RFX3: variants seen among roughly 807,000 people sequenced by gnomAD.
The protein encoded by RFX3 is regulatory factor X3, also known as transcription factor RFX3.
A neutral mutation model predicts 98.6 loss-of-function variants in RFX3; 14 were observed. The ratio of observed to expected loss-of-function variants is 0.14; its 90% CI spans 0.09 to 0.22. The LOEUF (loss-of-function observed/expected upper bound fraction) is 0.22, where lower values mean the gene tolerates loss of function less well. Ranked by LOEUF, RFX3 falls within the 10% of genes least tolerant of loss-of-function variation. The pLI is 1.00. For missense variants in RFX3, 639 were observed against 926.9 expected (o/e 0.69, Z 4.03); for synonymous variants, 383 against 328.4 (o/e 1.17, Z -1.80).
At chr9:3,324,563 C>A (rs751616143) in intron 4 of RFX3, among the ~76,000 whole-genome samples, 4 of 142,452 alleles carry the variant, frequency 2.8e-5, no homozygotes, top group Admixed American at 2.1e-4. Flanking sequence ...AAGCAAGATG[C>A]GGCATTTTTC....
intron 1 of RFX3, among the ~76,000 whole-genome samples, chr9:3,407,066 CCTTT>C (rs1269304680): frequency 1.3e-5 from 2 of 152,102 alleles, no homozygotes; most frequent in Non-Finnish European, 2.9e-5. Context: ...TGGTATGCTT[CCTTT>C]GTTTTTATGA....
intron 3 of RFX3, among the ~76,000 whole-genome samples, chr9:3,339,859 A>G (rs1336411328): frequency 1.3e-5 from 2 of 152,172 alleles, no homozygotes; most frequent in African/African-American, 4.8e-5. Flanking sequence ...TGCCATCACC[A>G]TCAAGCTACC....
chr9:3,275,276 G>C (rs1179335579), intron 9 of RFX3, among the ~76,000 whole-genome samples: 1 of 152,024 alleles, frequency 6.6e-6, no homozygotes, highest in East Asian at 1.9e-4. Context: ...ATTAGGATAG[G>C]CTTAAGAAAT....
intron 1 of RFX3, among the ~76,000 whole-genome samples, chr9:3,437,945 G>GA (rs1438079789): frequency 6.6e-6 from 1 of 151,838 alleles, no homozygotes; most frequent in Non-Finnish European, 1.5e-5. Flanking sequence ...AGACAGAGAT[G>GA]AAAAAAACTA....
At chr9:3,236,396 A>G (rs1010848596) in intron 15 of RFX3, among the ~76,000 whole-genome samples, 2 of 152,200 alleles carry the variant, frequency 1.3e-5, no homozygotes, top group African/African-American at 4.8e-5. Flanking sequence ...ACTGAGGGAT[A>G]GGAGGGACAG....
Position 3,293,137 on chromosome 9 carries a change from G to C in RFX3, c.671C>G (p.Ser224Cys). The C allele has an allele frequency of 6.2e-7, 1 of 1,613,564 alleles. No homozygotes were observed. Among genetic ancestry groups the C allele is most frequent in the Non-Finnish European group, 8.5e-7 (1 of 1,179,708 alleles). ...AATTGATCTTATTAATTTTCCAAAA[G>C]AGGCAGCATTGACTGGGTCCAGTTT... ...EHKLDPVNAA[S>C]FGKLIRSIFM... is the part of the protein sequence containing the mutation. The change falls in exon 6 of 17, where the codon TCT becomes TGT. Residue 224 changes from serine (S) to cysteine (C), a missense_variant. Physicochemically the swap from Ser to Cys is moderately radical, Grantham distance 112. Transcript: ENST00000617270.
intron 1 of RFX3, chr9:3,490,367 C>T: frequency 1.1e-6 from 1 of 931,416 alleles, no homozygotes; most frequent in Non-Finnish European, 1.3e-6. Flanking sequence ...AAAGCAAGAA[C>T]AATTAGTTCA....
chr9:3,492,687 T>C (rs1850812637), intron 1 of RFX3, among the ~76,000 whole-genome samples: 1 of 151,984 alleles, frequency 6.6e-6, no homozygotes, highest in Admixed American at 6.6e-5. Context: ...ATATGAAAAA[T>C]GGAGGTAGAC....
intron 1 of RFX3, among the ~76,000 whole-genome samples, chr9:3,446,383 A>G (rs1352580122): frequency 1.3e-5 from 2 of 152,098 alleles, no homozygotes; most frequent in East Asian, 1.9e-4. Flanking sequence ...AATCAAAAGT[A>G]AAGGTAATAT....
rs555349379 is a variant in RFX3, at chr9:3,410,161, CTGTGTGTGTGTGTGTGTGTG to C, written c.-8-14585_-8-14566del. ...TTAACACGATTTCAAGTGAGATAAACTGTGTGTGTGTGTGTGTGTGTGTGTGTGTGTGTGTGTGTGTGTGT... is the reference window on the plus strand; with the variant it reads ...TTAACACGATTTCAAGTGAGATAAACTGTGTGTGTGTGTGTGTGTGTGTGT... On this transcript the variant is annotated intron_variant, in intron 1 of 16. Coordinates refer to ENST00000617270, the MANE Select transcript of RFX3 (RefSeq NM_001282116.2). 9.6e-5 allele frequency among the ~76,000 whole-genome samples: 11 copies of C among 114,120 alleles called. No individual in the cohort carries two copies. In the South Asian group the frequency reaches 1.5e-3, roughly 16 times the overall value. The allele number at this position is 114,120 out of a possible 152,430, so 74.9% of individuals were successfully genotyped here.
chr9:3,270,924 T>C, intron 10 of RFX3, 79 bp downstream of exon 10: 2 of 1,597,404 alleles, frequency 1.3e-6, no homozygotes, highest in South Asian at 1.1e-5. Context: ...GGTTCACAAC[T>C]GGTATACATA....
At chr9:3,518,188 AATG>A (rs1818360702) in intron 1 of RFX3, among the ~76,000 whole-genome samples, 1 of 152,222 alleles carries the variant, frequency 6.6e-6, no homozygotes, top group African/African-American at 2.4e-5. Flanking sequence ...ATGTTCACAC[AATG>A]ATGAAATCAC....
At chr9:3,468,948 C>T (rs1394291365) in intron 1 of RFX3, among the ~76,000 whole-genome samples, 1 of 151,700 alleles carries the variant, frequency 6.6e-6, no homozygotes, top group Admixed American at 6.6e-5. Flanking sequence ...TATCCCTTTT[C>T]AAAACCAATT....
chr9:3,423,531 G>C (rs929567935), intron 1 of RFX3, among the ~76,000 whole-genome samples: 1 of 151,934 alleles, frequency 6.6e-6, no homozygotes, highest in Non-Finnish European at 1.5e-5. Flanking sequence ...CCAGACACAA[G>C]AGTACATAAT....
chr9:3,265,453 G>T (rs538647863), intron 12 of RFX3, among the ~76,000 whole-genome samples: 2 of 152,258 alleles, frequency 1.3e-5, no homozygotes, highest in Non-Finnish European at 2.9e-5. Context: ...TCTGCCCCCC[G>T]ATTCAAAGGC....
intron 6 of RFX3, among the ~76,000 whole-genome samples, chr9:3,290,398 C>A (rs867794742): frequency 1.3e-5 from 2 of 151,964 alleles, no homozygotes; most frequent in Non-Finnish European, 2.9e-5. Context: ...TTGAATGGAG[C>A]CTCAAAATAG....
intron 1 of RFX3, among the ~76,000 whole-genome samples, chr9:3,501,192 T>C (rs1248858277): frequency 2.0e-5 from 3 of 152,206 alleles, no homozygotes; most frequent in Non-Finnish European, 4.4e-5. Flanking sequence ...CCTATTACAT[T>C]TGCTTCATCT....
chr9:3,450,434 C>A (rs1846482561), intron 1 of RFX3, among the ~76,000 whole-genome samples: 1 of 151,968 alleles, frequency 6.6e-6, no homozygotes, highest in African/African-American at 2.4e-5. Context: ...ACATTCTCCC[C>A]AATCCTCTGT....
intron 4 of RFX3, among the ~76,000 whole-genome samples, chr9:3,328,870 C>T (rs1832245675): frequency 6.6e-6 from 1 of 152,076 alleles, no homozygotes. Flanking sequence ...ATTGCAAGAA[C>T]AAACTATATG....
Sources: allele counts gnomAD v4.1 joint callset (sites outside exome capture counted in the v4.1 genomes callset), GRCh38; gene constraint gnomAD v4.1.1; transcripts MANE v1.5; gene names NCBI Gene and HGNC (gene_info 2026-07-23, HGNC 2026-07-21).